The following PTCD3 variants were observed in gnomAD, a reference collection of about 807,000 sequenced individuals.
PTCD3 encodes the protein pentatricopeptide repeat domain 3, also known as small ribosomal subunit protein mS39.
PTCD3 carries 89 observed loss-of-function variants against 101.9 expected under a neutral mutation model. The ratio of observed to expected loss-of-function variants is 0.87; its 90% CI spans 0.74 to 1.04. The LOEUF is 1.04. Among genes scored for constraint, PTCD3 ranks in the 50% least tolerant of loss-of-function variants. PTCD3 has a pLI of 0.00. For missense variants in PTCD3, 870 were observed against 828.2 expected, an observed-to-expected ratio of 1.05 and a Z score of -0.62; for synonymous variants, 296 against 278.5, an observed-to-expected ratio of 1.06 and a Z score of -0.63.
At chr2:86,112,355 C>CTTT (rs368645963) in intron 4 of PTCD3, among the ~76,000 whole-genome samples, 5 of 138,820 alleles carry the variant, frequency 3.6e-5, no homozygotes, top group South Asian at 4.7e-4. Flanking sequence ...AGTGCCCGGC[C>CTTT]TTTTTTTTTT....
At position 86,142,091 on chromosome 2, in the gene PTCD3, C is replaced by T. The variant is rs537287088; in HGVS notation, c.*4532C>T. ...GGTGTGTTGGCTGGTAAAGGAACTA[C>T]TAAGATTCAGAAGCTTGTAGTCTTC... is the stretch of plus-strand genomic sequence containing the variant. On this transcript the variant is annotated 3_prime_UTR_variant, in exon 24 of 24. Coordinates refer to ENST00000254630, the MANE Select transcript of PTCD3 (RefSeq NM_017952.6). 1 of 152,134 alleles carries T rather than the reference C, an allele frequency of 6.6e-6. No individual in the cohort carries two copies. Among genetic ancestry groups the T allele is most frequent in the Non-Finnish European group, 1.5e-5 (1 of 68,096 alleles). The allele number at this position is 152,134 out of a possible 1,614,324, so 9.4% of individuals were successfully genotyped here. A position where few individuals can be genotyped will look rare whatever the true frequency, so the allele number is the denominator to read the frequency against.
intron 4 of PTCD3, among the ~76,000 whole-genome samples, chr2:86,112,371 T>TA (rs979355109): frequency 2.7e-5 from 4 of 150,632 alleles, no homozygotes; most frequent in African/African-American, 7.3e-5. Context: ...TTTTTTTTTT[T>TA]AAGAATAAAA....
chr2:86,111,248 C>A, intron 4 of PTCD3, 90 bp downstream of exon 4: 2 of 1,108,396 alleles, frequency 1.8e-6, no homozygotes, highest in East Asian at 2.4e-5. Context: ...ATACTCATAC[C>A]TCGTCATTAC....
At chr2:86,110,483 A>G (rs1674057311) in intron 3 of PTCD3, among the ~76,000 whole-genome samples, 2 of 152,258 alleles carry the variant, frequency 1.3e-5, no homozygotes, top group South Asian at 4.1e-4. Flanking sequence ...ATTTGAGATC[A>G]AATTATCTTG....
In PTCD3 at chr2:86,137,518, A is replaced by G. The variant is rs1441873819; in HGVS notation, c.2029A>G (p.Ser677Gly). Residue 677 changes from serine (S) to glycine (G), a missense_variant, in exon 24 of 24, where the codon AGC (serine) becomes GGC (glycine). By Grantham distance (56) the Ser-to-Gly change is moderately conservative. Transcript: ENST00000254630. ...ATTGACCAGTGACAGTGATACTGAC[A>G]GCAGCAGTGACAGCGACAGTGACAC... ...TALTSDSDTD[S>G]SSDSDSDTSE... The G allele has an allele frequency of 5.0e-6, 8 of 1,613,362 alleles. No individual in the cohort carries two copies. Among genetic ancestry groups the G allele is most frequent in the Non-Finnish European group, 6.8e-6 (8 of 1,179,868 alleles).
At chr2:86,121,308 T>C (rs1157519394) in intron 7 of PTCD3, among the ~76,000 whole-genome samples, 171 bp from the exon 8 acceptor site, 1 of 152,224 alleles carries the variant, frequency 6.6e-6, no homozygotes, top group African/African-American at 2.4e-5. Flanking sequence ...TGTCCCTGTC[T>C]ACGTCACTTC....
chr2:86,121,215 G>A (rs557031319), intron 7 of PTCD3, among the ~76,000 whole-genome samples: 2 of 152,214 alleles, frequency 1.3e-5, no homozygotes, highest in South Asian at 4.2e-4. Flanking sequence ...AGGATAATGA[G>A]TACATAAAAT....
chr2:86,108,683 TA>T, intron 3 of PTCD3, 147 bp downstream of exon 3: 1 of 734,286 alleles, frequency 1.4e-6, no homozygotes, highest in Non-Finnish European at 2.1e-6. Flanking sequence ...GCTAGGAGTT[TA>T]AAGGACAAAA....
intron 19 of PTCD3, among the ~76,000 whole-genome samples, chr2:86,134,034 A>G (rs902345106): frequency 3.9e-5 from 6 of 152,208 alleles, no homozygotes; most frequent in Admixed American, 2.0e-4. Flanking sequence ...CTATAAAACA[A>G]CGTCTTAACC....
chr2:86,136,710 C>T, intron 22 of PTCD3, 148 bp downstream of exon 22: 1 of 973,830 alleles, frequency 1.0e-6, no homozygotes, highest in South Asian at 1.5e-5. Context: ...CATCCTGAGG[C>T]AAGCAGTTTT....
Position 86,140,028 on chromosome 2 carries a change from A to C in PTCD3, c.*2469A>C, listed in dbSNP as rs1674655857. The C allele has an allele frequency of 6.6e-6, 1 of 152,238 alleles. No homozygotes were observed. The highest frequency in any genetic ancestry group is 2.1e-4 in the South Asian group (1 of 4,834). 9.4% of individuals were successfully genotyped at this position (152,238 alleles called of 1,614,324 possible). ...ACTCAAAAGATTCTACATGTCTAGA[A>C]TCAAACTCAAATCTGGCACGTAGGT... On this transcript the variant is annotated 3_prime_UTR_variant, in exon 24 of 24. Coordinates refer to ENST00000254630, the MANE Select transcript of PTCD3 (RefSeq NM_017952.6).
chr2:86,120,619 G>C (rs1674263093), intron 7 of PTCD3, among the ~76,000 whole-genome samples: 1 of 152,124 alleles, frequency 6.6e-6, no homozygotes, highest in African/African-American at 2.4e-5. Context: ...TATTGGCTAG[G>C]CATGGTGGCT....
At chr2:86,135,076 G>A in intron 21 of PTCD3, 89 bp downstream of exon 21, 1 of 1,434,912 alleles carries the variant, frequency 7.0e-7, no homozygotes, top group Non-Finnish European at 9.4e-7. Flanking sequence ...TCTTTCATTT[G>A]GCCACATAAC....
chr2:86,123,437 C>G (rs1674330360), intron 8 of PTCD3, among the ~76,000 whole-genome samples: 1 of 152,132 alleles, frequency 6.6e-6, no homozygotes, highest in Admixed American at 6.6e-5. Context: ...GTCTGAGGAC[C>G]AGGCCATACA....
At chr2:86,112,130 C>T (rs1040641823) in intron 4 of PTCD3, 2 of 151,198 alleles carry the variant, frequency 1.3e-5, no homozygotes, top group African/African-American at 4.9e-5. Context: ...AGTCCCGGCT[C>T]ACTGCAAGCT....
chr2:86,122,391 C>T (rs1300501834), intron 8 of PTCD3, among the ~76,000 whole-genome samples: 1 of 152,220 alleles, frequency 6.6e-6, no homozygotes, highest in East Asian at 1.9e-4. Flanking sequence ...CTTTTCTACT[C>T]TTTGCCCAAC....
In PTCD3 at chr2:86,137,691, G is replaced by C; in HGVS notation, c.*132G>C. On this transcript the variant is annotated 3_prime_UTR_variant, in exon 24 of 24. Coordinates refer to ENST00000254630, the MANE Select transcript of PTCD3 (RefSeq NM_017952.6). ...AGATTTGGTGAATTTGTTACTGTGA[G>C]GTACAGTCAGTACACAGCTGACTTA... is the stretch of plus-strand genomic sequence containing the variant. The C allele has an allele frequency of 7.4e-7, 1 of 1,344,182 alleles. No homozygotes were observed. The highest frequency in any genetic ancestry group is 1.4e-5 in the African/African-American group (1 of 69,064). The allele number at this position is 1,344,182 out of a possible 1,614,324, so 83.3% of individuals were successfully genotyped here. A position where few individuals can be genotyped will look rare whatever the true frequency, so the allele number is the denominator to read the frequency against.
chr2:86,124,629 G>A (rs992840719), intron 9 of PTCD3, among the ~76,000 whole-genome samples: 3 of 152,164 alleles, frequency 2.0e-5, no homozygotes, highest in Non-Finnish European at 2.9e-5. Flanking sequence ...AAAAGAAACC[G>A]TTTTGCCTCT....
At chr2:86,134,079 A>T (rs775610794) in intron 19 of PTCD3, among the ~76,000 whole-genome samples, 1 of 152,222 alleles carries the variant, frequency 6.6e-6, no homozygotes, top group African/African-American at 2.4e-5. Context: ...TGTAGTGCAC[A>T]TGCCGTGATG....
Sources: allele counts gnomAD v4.1 joint callset (sites outside exome capture counted in the v4.1 genomes callset), GRCh38; gene constraint gnomAD v4.1.1; transcripts MANE v1.5; gene names NCBI Gene and HGNC (gene_info 2026-07-23, HGNC 2026-07-21).